NCKAP5: variants seen among roughly 807,000 people sequenced by gnomAD.
NCKAP5 encodes the protein nck-associated protein 5.
NCKAP5 carries 92 observed loss-of-function variants against 167.0 expected under a neutral mutation model. The ratio of observed to expected loss-of-function variants is 0.55; its 90% confidence interval spans 0.47 to 0.66. The LOEUF (loss-of-function observed/expected upper bound fraction) is 0.66, where lower values mean the gene tolerates loss of function less well. Among genes scored for constraint, NCKAP5 ranks in the 30% least tolerant of loss-of-function variants. The pLI is 0.00. For missense variants in NCKAP5, 2,378 were observed against 2,315.0 expected (o/e 1.03, Z -0.56); for synonymous variants, 891 against 877.4 (o/e 1.02, Z -0.27).
intron 4 of NCKAP5, among the ~76,000 whole-genome samples, chr2:133,247,536 A>C (rs1370061303): frequency 6.6e-6 from 1 of 152,232 alleles, no homozygotes; most frequent in African/African-American, 2.4e-5. Flanking sequence ...AACTCACTAG[A>C]AACCCAAGGT....
chr2:132,938,857 A>AGGT (rs1697053867), intron 8 of NCKAP5, among the ~76,000 whole-genome samples: 1 of 152,184 alleles, frequency 6.6e-6, no homozygotes, highest in Non-Finnish European at 1.5e-5. Context: ...CCATTGACAA[A>AGGT]GGTGGTCTTA....
At chr2:132,698,860 A>AAAC (rs1687592072) in intron 19 of NCKAP5, among the ~76,000 whole-genome samples, 4 of 148,822 alleles carry the variant, frequency 2.7e-5, no homozygotes, top group African/African-American at 9.8e-5. Flanking sequence ...AACAAACAAA[A>AAAC]AAAAAAGTGC....
At chr2:133,515,779 T>A (rs963606321) in intron 3 of NCKAP5, among the ~76,000 whole-genome samples, 3 of 152,236 alleles carry the variant, frequency 2.0e-5, no homozygotes, top group Non-Finnish European at 4.4e-5. Context: ...ACGATCCCCA[T>A]TGGGGGTTAC....
intron 11 of NCKAP5, among the ~76,000 whole-genome samples, chr2:132,845,086 A>T (rs1688564417): frequency 6.6e-6 from 1 of 152,254 alleles, no homozygotes; most frequent in African/African-American, 2.4e-5. Flanking sequence ...TCATAAGTTC[A>T]TCAGCCATTT....
intron 5 of NCKAP5, among the ~76,000 whole-genome samples, chr2:133,190,313 T>A (rs945431756): frequency 3.9e-5 from 6 of 152,180 alleles, no homozygotes; most frequent in Admixed American, 1.3e-4. Context: ...TGTTCATGGA[T>A]AGGAAGAATC....
At chr2:132,739,812 T>C (rs922040833) in intron 16 of NCKAP5, among the ~76,000 whole-genome samples, 1 of 152,208 alleles carries the variant, frequency 6.6e-6, no homozygotes, top group Non-Finnish European at 1.5e-5. Context: ...TTGAGGTAGC[T>C]GCAATCTGCC....
chr2:132,742,053 A>G (rs1014579623), intron 16 of NCKAP5, among the ~76,000 whole-genome samples: 6 of 152,042 alleles, frequency 3.9e-5, no homozygotes, highest in African/African-American at 1.4e-4. Flanking sequence ...TAACATATCA[A>G]TCCTAAAAGA....
chr2:133,440,273 G>A (rs543398553), intron 3 of NCKAP5, among the ~76,000 whole-genome samples: 19 of 152,224 alleles, frequency 1.2e-4, no homozygotes, highest in African/African-American at 1.9e-4. Flanking sequence ...GCCTGAGTAC[G>A]TTTCCACATT....
intron 11 of NCKAP5, among the ~76,000 whole-genome samples, chr2:132,804,977 T>C (rs80161670): frequency 0.022 from 3,415 of 152,050 alleles, 127 homozygotes; most frequent in African/African-American, 0.079. Flanking sequence ...GCAAATCCTA[T>C]GGAAGTAGCT....
chr2:133,120,247 T>C, intron 6 of NCKAP5, among the ~76,000 whole-genome samples: 1 of 152,182 alleles, frequency 6.6e-6, no homozygotes, highest in East Asian at 1.9e-4. Context: ...TAGCTAATTC[T>C]CTGCTTCATT....
At chr2:133,147,216 T>C (rs895623603) in intron 5 of NCKAP5, among the ~76,000 whole-genome samples, 9 of 152,172 alleles carry the variant, frequency 5.9e-5, no homozygotes, top group Admixed American at 1.3e-4. Context: ...CAGTGTTTAC[T>C]AAATATTAAT....
At chr2:132,859,350 A>G (rs1376493817) in intron 11 of NCKAP5, among the ~76,000 whole-genome samples, 2 of 152,112 alleles carry the variant, frequency 1.3e-5, no homozygotes, top group Non-Finnish European at 2.9e-5. Flanking sequence ...TTTTTATTCC[A>G]AAATTCAGAG....
intron 10 of NCKAP5, among the ~76,000 whole-genome samples, chr2:132,861,706 T>C (rs534636964): frequency 6.6e-6 from 1 of 152,302 alleles, no homozygotes; most frequent in Non-Finnish European, 1.5e-5. Flanking sequence ...ACCTTTTACC[T>C]GGCATCCCTC....
intron 11 of NCKAP5, among the ~76,000 whole-genome samples, chr2:132,857,146 T>A (rs192471007): frequency 6.6e-6 from 1 of 151,490 alleles, no homozygotes; most frequent in East Asian, 2.0e-4. Flanking sequence ...TGCTTAGAGA[T>A]CTTTTTGTTG....
intron 3 of NCKAP5, among the ~76,000 whole-genome samples, chr2:133,408,250 C>G (rs1365620717): frequency 6.6e-6 from 1 of 152,212 alleles, no homozygotes; most frequent in Admixed American, 6.5e-5. Flanking sequence ...AGGCGTGTGG[C>G]ACAGCTTGTG....
intron 8 of NCKAP5, among the ~76,000 whole-genome samples, chr2:132,946,573 C>T (rs1485821007): frequency 1.3e-5 from 2 of 152,172 alleles, no homozygotes; most frequent in East Asian, 1.9e-4. Context: ...AAAGTGAACT[C>T]CACTTCATGA....
At chr2:133,547,747 C>A (rs1413412751) in intron 2 of NCKAP5, among the ~76,000 whole-genome samples, 3 of 149,070 alleles carry the variant, frequency 2.0e-5, no homozygotes, top group Non-Finnish European at 4.5e-5. Context: ...TCATCAAAGA[C>A]CAAAAGTAGA....
At chr2:132,902,617 G>C (rs181144429) in intron 8 of NCKAP5, among the ~76,000 whole-genome samples, 1 of 152,264 alleles carries the variant, frequency 6.6e-6, no homozygotes, top group East Asian at 1.9e-4. Flanking sequence ...CTGGAATCTT[G>C]GCTGTAAGAT....
At chr2:133,536,237 C>T (rs1484561276) in intron 2 of NCKAP5, among the ~76,000 whole-genome samples, 4 of 151,936 alleles carry the variant, frequency 2.6e-5, no homozygotes, top group Admixed American at 6.6e-5. Context: ...AGAGTATTTC[C>T]AAGGTTTTCT....
Sources: gnomAD v4.1 joint callset for allele counts (sites outside exome capture counted in the v4.1 genomes callset) on GRCh38, gnomAD v4.1.1 for gene constraint, MANE v1.5 for transcripts, NCBI Gene and HGNC (gene_info 2026-07-23, HGNC 2026-07-21) for gene names.